Variants in FMN2 observed in about 807,000 individuals in gnomAD.
The protein encoded by FMN2 is formin-2.
Under a neutral mutation model 142.3 loss-of-function variants are expected in FMN2, and 51 were observed. The observed-to-expected ratio is 0.36, with a 90% CI of 0.29 to 0.45. The LOEUF (loss-of-function observed/expected upper bound fraction) is 0.45. Ranked by LOEUF, FMN2 falls within the 20% of genes least tolerant of loss-of-function variation. The probability of loss-of-function intolerance (pLI) is 1.00; values close to 1 mark genes in which losing one functional copy is unlikely to be tolerated. For missense variants in FMN2, 1,936 were observed against 2,122.8 expected (o/e 0.91, Z 1.73); for synonymous variants, 882 against 869.8 (o/e 1.01, Z -0.25).
intron 6 of FMN2, among the ~76,000 whole-genome samples, chr1:240,248,431 G>GGA (rs1668155962): frequency 2.1e-5 from 1 of 48,774 alleles, no homozygotes. Flanking sequence ...ACATGTGATT[G>GGA]GATATATATA....
At chr1:240,348,277 A>G (rs1671976835) in intron 13 of FMN2, among the ~76,000 whole-genome samples, 1 of 150,702 alleles carries the variant, frequency 6.6e-6, no homozygotes, top group Non-Finnish European at 1.5e-5. Flanking sequence ...GCTAGAGTGC[A>G]ATGGCATGGT....
rs1040430253 is a variant in FMN2, at chr1:240,229,707, C to T, written c.4065+18472C>T. Reference sequence around the variant, plus strand: ...GAGTCTCAGACTGGAGTGCCAGTGGCATGATCTCAGCTCACTGCAGCCTCT... The same window carrying T: ...GAGTCTCAGACTGGAGTGCCAGTGGTATGATCTCAGCTCACTGCAGCCTCT... On this transcript the variant is annotated intron_variant, in intron 6 of 17. Coordinates refer to ENST00000319653, the MANE Select transcript of FMN2 (RefSeq NM_020066.5). Among the ~76,000 whole-genome samples the T allele has an allele frequency of 5.4e-5, 4 of 74,436 alleles. 1 individual carries two copies. Among genetic ancestry groups the T allele is most frequent in the Admixed American group, 2.1e-4 (2 of 9,384 alleles). The allele number at this position is 74,436 out of a possible 152,430, so 48.8% of individuals were successfully genotyped here. A position where few individuals can be genotyped will look rare whatever the true frequency, so the allele number is the denominator to read the frequency against.
intron 16 of FMN2, among the ~76,000 whole-genome samples, chr1:240,454,749 C>T (rs917977916): frequency 1.3e-5 from 2 of 152,026 alleles, no homozygotes; most frequent in Non-Finnish European, 2.9e-5. Context: ...AGAGAAGGGG[C>T]TGGGAGCATT....
At chr1:240,354,778 A>T (rs995339241) in intron 13 of FMN2, among the ~76,000 whole-genome samples, 7 of 152,206 alleles carry the variant, frequency 4.6e-5, no homozygotes, top group Non-Finnish European at 8.8e-5. Flanking sequence ...TAGAAATGCA[A>T]TGACAAAGTC....
chr1:240,158,828 A>G (rs1664141229), intron 2 of FMN2, among the ~76,000 whole-genome samples: 2 of 152,210 alleles, frequency 1.3e-5, no homozygotes, highest in South Asian at 2.1e-4. Context: ...TAATATTTCA[A>G]TTCAGATGTA....
At chr1:240,145,619 G>A (rs955969273) in intron 2 of FMN2, among the ~76,000 whole-genome samples, 2 of 134,274 alleles carry the variant, frequency 1.5e-5, no homozygotes, top group African/African-American at 5.6e-5. Context: ...ATATGACACT[G>A]CAGCTTCAGA....
At chr1:240,164,904 T>C (rs1386806161) in intron 2 of FMN2, among the ~76,000 whole-genome samples, 3 of 152,206 alleles carry the variant, frequency 2.0e-5, no homozygotes, top group Non-Finnish European at 1.5e-5. Context: ...CTTTATGATA[T>C]CTTTTTTTCT....
intron 6 of FMN2, among the ~76,000 whole-genome samples, chr1:240,241,793 AG>A (rs1343465893): frequency 7.2e-6 from 1 of 139,034 alleles, no homozygotes; most frequent in East Asian, 2.3e-4. Flanking sequence ...TAGGCTAGGT[AG>A]GTATCATTTT....
intron 16 of FMN2, among the ~76,000 whole-genome samples, chr1:240,465,682 A>G (rs1676595256): frequency 6.6e-6 from 1 of 152,158 alleles, no homozygotes; most frequent in African/African-American, 2.4e-5. Flanking sequence ...ACCGTCTGCC[A>G]CAGATACTTA....
intron 7 of FMN2, among the ~76,000 whole-genome samples, chr1:240,270,315 T>G (rs889339593): frequency 6.6e-5 from 10 of 152,152 alleles, no homozygotes; most frequent in Admixed American, 3.9e-4. Context: ...ATAGCCATTG[T>G]GGAAAACAGT....
intron 8 of FMN2, among the ~76,000 whole-genome samples, chr1:240,322,845 T>C (rs1353028366): frequency 6.6e-6 from 1 of 152,132 alleles, no homozygotes; most frequent in East Asian, 1.9e-4. Context: ...ATGGCAAGCA[T>C]GTTGCCATTT....
intron 16 of FMN2, among the ~76,000 whole-genome samples, chr1:240,464,870 T>C (rs1676561832): frequency 6.6e-6 from 1 of 152,218 alleles, no homozygotes; most frequent in Admixed American, 6.5e-5. Context: ...GGAACTACTT[T>C]GTGCTCATTC....
intron 2 of FMN2, among the ~76,000 whole-genome samples, chr1:240,166,661 A>C (rs12088533): frequency 0.075 from 11,411 of 152,316 alleles, 500 homozygotes; most frequent in African/African-American, 0.11. Context: ...ATATGTACAA[A>C]TTAAATTTTT....
At chr1:240,321,962 A>G (rs1006779350) in intron 8 of FMN2, among the ~76,000 whole-genome samples, 1 of 152,188 alleles carries the variant, frequency 6.6e-6, no homozygotes, top group East Asian at 1.9e-4. Context: ...TGATGGGGTT[A>G]TGTCCCAGTA....
chr1:240,375,396 TACAAAGCACAGTAAA>T, intron 14 of FMN2, among the ~76,000 whole-genome samples: 1 of 152,104 alleles, frequency 6.6e-6, no homozygotes, highest in South Asian at 2.1e-4. Context: ...AATTAATACC[TACAAAGCACAGTAAA>T]GCAAAGCACA....
chr1:240,167,134 T>A (rs1241057684), intron 2 of FMN2, among the ~76,000 whole-genome samples: 1 of 151,800 alleles, frequency 6.6e-6, no homozygotes, highest in Admixed American at 6.6e-5. Flanking sequence ...ACAACAACAA[T>A]AACAAAAAAC....
intron 2 of FMN2, among the ~76,000 whole-genome samples, chr1:240,126,185 G>A (rs1454286808): frequency 6.6e-6 from 1 of 152,148 alleles, no homozygotes; most frequent in African/African-American, 2.4e-5. Flanking sequence ...GTGTCAATGA[G>A]GGATGAGGAA....
chr1:240,405,618 C>CA (rs199827275), intron 15 of FMN2, among the ~76,000 whole-genome samples: 2,606 of 116,824 alleles, frequency 0.022, 56 homozygotes, highest in African/African-American at 0.058. Context: ...AACTCCGTCT[C>CA]AAAAAAAAAA....
At chr1:240,339,124 A>T (rs575198629) in intron 13 of FMN2, among the ~76,000 whole-genome samples, 1 of 151,934 alleles carries the variant, frequency 6.6e-6, no homozygotes, top group Non-Finnish European at 1.5e-5. Context: ...CTTGCTGGCC[A>T]CTCACCTCCT....
Sources: gnomAD v4.1 joint callset for allele counts (sites outside exome capture counted in the v4.1 genomes callset) on GRCh38, gnomAD v4.1.1 for gene constraint, MANE v1.5 for transcripts, NCBI Gene and HGNC (gene_info 2026-07-23, HGNC 2026-07-21) for gene names.